RNLS: variants seen among roughly 807,000 people sequenced by gnomAD.
The protein encoded by RNLS is renalase, FAD dependent amine oxidase.
In RNLS, 39 loss-of-function variants were observed where a neutral mutation model predicts 39.8. The observed-to-expected ratio is 0.98, with a 90% confidence interval of 0.76 to 1.28. The LOEUF (loss-of-function observed/expected upper bound fraction) is 1.28, where lower values mean the gene tolerates loss of function less well. Ranked by LOEUF, RNLS falls within the 50% of genes most tolerant of loss-of-function variation. The pLI, the probability that RNLS is intolerant of heterozygous loss-of-function variation, is 0.00. For missense variants in RNLS, 410 were observed against 413.3 expected, an observed-to-expected ratio of 0.99 and a Z score of 0.07; for synonymous variants, 147 against 150.7, an observed-to-expected ratio of 0.98 and a Z score of 0.18.
At chr10:88,435,362 T>C (rs1855409876) in intron 4 of RNLS, among the ~76,000 whole-genome samples, 1 of 151,856 alleles carries the variant, frequency 6.6e-6, no homozygotes, top group African/African-American at 2.4e-5. Flanking sequence ...AATCTACATC[T>C]TCTCCATACC....
intron 4 of RNLS, among the ~76,000 whole-genome samples, chr10:88,417,511 G>C (rs1478773167): frequency 6.6e-6 from 1 of 152,062 alleles, no homozygotes; most frequent in East Asian, 1.9e-4. Flanking sequence ...ACGTTAATTT[G>C]ACAGGCAAAT....
chr10:88,433,765 C>T (rs984049109), intron 4 of RNLS, among the ~76,000 whole-genome samples: 1 of 152,082 alleles, frequency 6.6e-6, no homozygotes, highest in Non-Finnish European at 1.5e-5. Flanking sequence ...TTCAGCCACA[C>T]CCGTCATCAC....
chr10:88,504,250 T>C (rs1340194387), intron 4 of RNLS, among the ~76,000 whole-genome samples: 1 of 152,086 alleles, frequency 6.6e-6, no homozygotes, highest in Admixed American at 6.6e-5. Flanking sequence ...TTAAATTGCC[T>C]ACAGTGCATG....
the RNLS span, among the ~76,000 whole-genome samples, chr10:88,186,538 G>T: frequency 1.3e-5 from 2 of 152,154 alleles, no homozygotes; most frequent in Non-Finnish European, 2.9e-5. Context: ...GCATGAAAGT[G>T]CTTGGGAGCT....
chr10:88,279,246 G>A (rs1842923251), downstream of RNLS, among the ~76,000 whole-genome samples: 1 of 152,146 alleles, frequency 6.6e-6, no homozygotes, highest in Non-Finnish European at 1.5e-5. Flanking sequence ...TGGCTTCCTA[G>A]CTAGATCTAA....
chr10:88,353,376 C>A (rs1848883472), intron 5 of RNLS, among the ~76,000 whole-genome samples: 1 of 151,864 alleles, frequency 6.6e-6, no homozygotes, highest in African/African-American at 2.4e-5. Flanking sequence ...CTACACACTG[C>A]TGTAAATGTG....
chr10:88,430,899 T>A (rs1440753600), intron 4 of RNLS, among the ~76,000 whole-genome samples: 1 of 151,418 alleles, frequency 6.6e-6, no homozygotes, highest in Non-Finnish European at 1.5e-5. Flanking sequence ...TTTTTCAGAA[T>A]TTTTTTTCTC....
the RNLS span, among the ~76,000 whole-genome samples, chr10:88,177,019 A>G: frequency 6.6e-6 from 1 of 152,100 alleles, no homozygotes; most frequent in Non-Finnish European, 1.5e-5. Context: ...TTCTCTCTTC[A>G]TCTTCATCTT....
intron 4 of RNLS, among the ~76,000 whole-genome samples, chr10:88,563,721 G>C (rs1590025896): frequency 6.6e-6 from 1 of 152,082 alleles, no homozygotes; most frequent in African/African-American, 2.4e-5. Context: ...CACTGAGAAA[G>C]CAGTTATTGA....
the RNLS span, among the ~76,000 whole-genome samples, chr10:88,182,681 A>ATG: frequency 5.5e-3 from 820 of 150,354 alleles, 3 homozygotes; most frequent in African/African-American, 0.014. Flanking sequence ...GTATTTGTGT[A>ATG]TGTGTGTGTG....
intron 4 of RNLS, among the ~76,000 whole-genome samples, chr10:88,556,634 A>G (rs1817030816): frequency 6.6e-6 from 1 of 152,096 alleles, no homozygotes; most frequent in Non-Finnish European, 1.5e-5. Context: ...TATACACTGC[A>G]TGACAGCCAC....
chr10:88,372,008 A>C (rs1454956677), intron 4 of RNLS, among the ~76,000 whole-genome samples: 2 of 152,194 alleles, frequency 1.3e-5, no homozygotes, highest in Non-Finnish European at 2.9e-5. Flanking sequence ...AGAAAAGAAC[A>C]TAAAGACACT....
Position 88,285,357 on chromosome 10 carries a change from A to C in RNLS, c.1026T>G (p.Ile342Met). The C allele has an allele frequency of 6.2e-7, 1 of 1,610,906 alleles. No individual in the cohort carries two copies. The highest frequency in any genetic ancestry group is 8.5e-7 in the Non-Finnish European group (1 of 1,177,840). Residue 342 changes from isoleucine to methionine, a missense_variant, in exon 7 of 7, where the codon ATT becomes ATG. Coordinates refer to ENST00000331772, the MANE Select transcript of RNLS (RefSeq NM_001031709.3). ...GTAGAGAATAAGGATATAGGCACTAAATATAATTCTTTAAAGCTTCCAGAA... is the reference window on the plus strand; with the variant it reads ...GTAGAGAATAAGGATATAGGCACTACATATAATTCTTTAAAGCTTCCAGAA... The part of the protein sequence containing the change: ...LCVLEALKNY[I>M]
At chr10:88,201,180 C>T in the RNLS span, among the ~76,000 whole-genome samples, 3 of 152,110 alleles carry the variant, frequency 2.0e-5, no homozygotes, top group African/African-American at 7.2e-5. Context: ...TTTAAAATTA[C>T]TGGTGTTGGT....
In RNLS at chr10:88,381,161, C is replaced by T. The variant is rs192697956; in HGVS notation, c.527-18436G>A. ...TTTCAGATAAATTTCAGAATAAACTCGCCAAGTGCCTTGCTTGGCACTTAA... is the reference window on the plus strand; with the variant it reads ...TTTCAGATAAATTTCAGAATAAACTTGCCAAGTGCCTTGCTTGGCACTTAA... On this transcript the variant is annotated intron_variant, in intron 4 of 6. Transcript: ENST00000331772. Among the ~76,000 whole-genome samples, 763 of 152,276 alleles carry T rather than the reference C, an allele frequency of 5.0e-3. 2 individuals are homozygous for T. Among genetic ancestry groups the T allele is most frequent in the Middle Eastern group, 0.031 (9 of 294 alleles).
intron 5 of RNLS, chr10:88,343,763 C>T (rs1229916001): frequency 1.0e-6 from 1 of 985,220 alleles, no homozygotes; most frequent in Non-Finnish European, 1.2e-6. Flanking sequence ...ATCTATTTAT[C>T]CTGGGACACA....
intron 4 of RNLS, among the ~76,000 whole-genome samples, chr10:88,369,765 C>T (rs536672244): frequency 6.6e-5 from 10 of 152,168 alleles, no homozygotes; most frequent in African/African-American, 1.7e-4. Flanking sequence ...CTGCAACCTC[C>T]GCCTCCTGGG....
At chr10:88,243,796 C>G in the RNLS span, among the ~76,000 whole-genome samples, 38 of 152,338 alleles carry the variant, frequency 2.5e-4, no homozygotes, top group Middle Eastern at 3.4e-3. Flanking sequence ...GTGTTCTCTG[C>G]CTCCACCTGA....
At chr10:88,274,211 T>G (rs919374319) in exon 7 of RNLS, 15 of 152,310 alleles carry the variant, frequency 9.8e-5, no homozygotes, top group African/African-American at 3.6e-4. Context: ...ATAAAAGTGA[T>G]GATTTTAACC....
Sources: gnomAD v4.1 joint callset for allele counts (sites outside exome capture counted in the v4.1 genomes callset) on GRCh38, gnomAD v4.1.1 for gene constraint, MANE v1.5 for transcripts, NCBI Gene and HGNC (gene_info 2026-07-23, HGNC 2026-07-21) for gene names.